FMO1: variants seen among roughly 807,000 people sequenced by gnomAD.
FMO1 encodes flavin-containing monooxygenase 1.
In FMO1, 36 loss-of-function variants were observed where a neutral mutation model predicts 45.4. The ratio of observed to expected loss-of-function variants is 0.79; its 90% CI spans 0.61 to 1.05. The LOEUF (loss-of-function observed/expected upper bound fraction) is 1.05. Ranked by LOEUF, FMO1 falls within the 50% of genes least tolerant of loss-of-function variation. The pLI, the probability that FMO1 is intolerant of heterozygous loss-of-function variation, is 0.00. For missense variants in FMO1, 615 were observed against 640.3 expected, an observed-to-expected ratio of 0.96 and a Z score of 0.43; for synonymous variants, 228 against 227.2, an observed-to-expected ratio of 1.00 and a Z score of -0.03.
chr1:171,273,298 G>A (rs1381001812), intron 3 of FMO1, among the ~76,000 whole-genome samples: 1 of 152,158 alleles, frequency 6.6e-6, no homozygotes, highest in African/African-American at 2.4e-5. Context: ...TCTCTAGTCT[G>A]TCTTTATCAG....
intron 3 of FMO1, among the ~76,000 whole-genome samples, chr1:171,269,326 T>TG (rs1358916446): frequency 6.6e-6 from 1 of 152,166 alleles, no homozygotes; most frequent in Admixed American, 6.5e-5. Context: ...AGAGACTTGT[T>TG]GAATGGCTTT....
chr1:171,281,809 C>T (rs1326685643), intron 6 of FMO1, among the ~76,000 whole-genome samples, 169 bp from the exon 7 acceptor site: 2 of 152,168 alleles, frequency 1.3e-5, no homozygotes, highest in African/African-American at 4.8e-5. Flanking sequence ...TATAATCCTT[C>T]CTGAACATTC....
chr1:171,275,260 C>G, intron 3 of FMO1, 86 bp from the exon 4 acceptor site: 1 of 1,087,966 alleles, frequency 9.2e-7, no homozygotes, highest in South Asian at 1.5e-5. Context: ...TGTTCTAGAA[C>G]TTTTAAAATA....
chr1:171,273,950 C>T (rs763562753), intron 3 of FMO1, among the ~76,000 whole-genome samples: 1 of 152,080 alleles, frequency 6.6e-6, no homozygotes, highest in Non-Finnish European at 1.5e-5. Flanking sequence ...TGGATCAAGA[C>T]CATCCTGGCT....
chr1:171,264,113 T>C (rs1387713759), intron 2 of FMO1, among the ~76,000 whole-genome samples: 1 of 152,118 alleles, frequency 6.6e-6, no homozygotes, highest in African/African-American at 2.4e-5. Context: ...CAGGCTTCAG[T>C]GTTTCCTGGA....
At chr1:171,277,629 C>T (rs1183763179) in intron 4 of FMO1, among the ~76,000 whole-genome samples, 1 of 152,134 alleles carries the variant, frequency 6.6e-6, no homozygotes, top group African/African-American at 2.4e-5. Context: ...TCTAAAACAA[C>T]ATGAGATCCA....
At chr1:171,248,747 C>A (rs1659742302) in intron 1 of FMO1, 124 bp downstream of exon 1, 1 of 151,946 alleles carries the variant, frequency 6.6e-6, no homozygotes, top group African/African-American at 2.4e-5. Context: ...CTCTGTCCAA[C>A]CCTGGAGGAG....
Position 171,285,295 on chromosome 1 carries a change from C to T in FMO1, c.1350C>T (p.Phe450=). The change falls in exon 9 of 9, where the codon TTC becomes TTT. Residue 450 remains phenylalanine, a synonymous_variant. Coordinates refer to ENST00000617670, the MANE Select transcript of FMO1 (RefSeq NM_001282693.2). ...ATATCAATGCAAAACCCAACCTGTTCTCTATGCTCCTAACGGATCCACATC... is the reference window on the plus strand; with the variant it reads ...ATATCAATGCAAAACCCAACCTGTTTTCTATGCTCCTAACGGATCCACATC... ...LTYINAKPNL[F]SMLLTDPHLA... 6.2e-7 allele frequency: 1 copy of T among 1,613,922 alleles called. No individual in the cohort carries two copies. Among genetic ancestry groups the T allele is most frequent in the Non-Finnish European group, 8.5e-7 (1 of 1,179,872 alleles).
At chr1:171,273,837 T>A (rs1254023071) in intron 3 of FMO1, among the ~76,000 whole-genome samples, 1 of 152,164 alleles carries the variant, frequency 6.6e-6, no homozygotes, top group South Asian at 2.1e-4. Flanking sequence ...TTTAGAACAA[T>A]TTTTAAAAAG....
chr1:171,273,081 A>G (rs377282173), intron 3 of FMO1, among the ~76,000 whole-genome samples: 3 of 152,314 alleles, frequency 2.0e-5, no homozygotes, highest in South Asian at 4.2e-4. Context: ...GGTCTTTCCC[A>G]TGCTGTTCTA....
chr1:171,277,317 A>C (rs1661149745), intron 4 of FMO1, among the ~76,000 whole-genome samples: 1 of 152,214 alleles, frequency 6.6e-6, no homozygotes, highest in African/African-American at 2.4e-5. Flanking sequence ...AAGGTGCACT[A>C]AAAAGTCGTA....
chr1:171,282,683 T>A, intron 7 of FMO1: 1 of 230,372 alleles, frequency 4.3e-6, no homozygotes, highest in South Asian at 9.3e-5. Context: ...ATAGGCATGA[T>A]CATAGATTAC....
chr1:171,282,056 C>A lies in FMO1; in HGVS notation c.906C>A (p.Ser302Arg), dbSNP rs1338302084. Residue 302 changes from serine to arginine, a missense_variant, in exon 7 of 9, where the codon AGC becomes AGA. Coordinates refer to ENST00000617670, the MANE Select transcript of FMO1 (RefSeq NM_001282693.2). ...IITGKVFIRP[S>R]IKEVKENSVI... is the part of the protein sequence containing the mutation. The stretch of plus-strand genomic sequence containing the variant: ...CTGGGAAAGTGTTCATCAGGCCAAG[C>A]ATAAAAGAGGTAAAGGAAAACTCTG... 2.5e-6 allele frequency: 4 copies of A among 1,613,558 alleles called. No homozygotes were observed. The highest frequency in any genetic ancestry group is 3.4e-6 in the Non-Finnish European group (4 of 1,179,816).
chr1:171,257,816 C>T, intron 1 of FMO1: 1 of 435,974 alleles, frequency 2.3e-6, no homozygotes, highest in East Asian at 4.8e-5. Flanking sequence ...GGTCCAATTC[C>T]AGCAGCTCTG....
At chr1:171,256,475 C>T (rs954304797) in intron 1 of FMO1, among the ~76,000 whole-genome samples, 2 of 151,912 alleles carry the variant, frequency 1.3e-5, no homozygotes, top group African/African-American at 4.8e-5. Flanking sequence ...TCCTGTTGGG[C>T]CCAGAGAGGG....
intron 1 of FMO1, among the ~76,000 whole-genome samples, chr1:171,253,217 A>G (rs1242881700): frequency 6.6e-6 from 1 of 151,946 alleles, no homozygotes. Context: ...CATTTCCTTC[A>G]CTTTCTAAAA....
At chr1:171,265,061 T>C (rs1052259377) in intron 2 of FMO1, among the ~76,000 whole-genome samples, 18 of 152,118 alleles carry the variant, frequency 1.2e-4, no homozygotes, top group Admixed American at 2.0e-4. Flanking sequence ...AATCAAGTTT[T>C]TTTCCAATTA....
chr1:171,266,067 T>C lies in FMO1; in HGVS notation c.133-1476T>C, dbSNP rs182163176. ...ACTGTAAGATTAAATATAAATAATC[T>C]TTCAATGAAAGAAAATGATTCCAGA... is the stretch of plus-strand genomic sequence containing the variant. On this transcript the variant is annotated intron_variant, in intron 2 of 8. Transcript: ENST00000617670. 4.2e-3 allele frequency among the ~76,000 whole-genome samples: 634 copies of C among 152,334 alleles called. 6 individuals are homozygous for C. The highest frequency in any genetic ancestry group is 3.5e-3 in the Non-Finnish European group (237 of 68,028).
intron 1 of FMO1, 65 bp from the exon 2 acceptor site, chr1:171,258,017 G>A: frequency 6.3e-7 from 1 of 1,594,188 alleles, no homozygotes; most frequent in South Asian, 1.1e-5. Context: ...TTCCTGGCTT[G>A]TTAGAGCAGC....
Sources: allele counts gnomAD v4.1 joint callset (sites outside exome capture counted in the v4.1 genomes callset), GRCh38; gene constraint gnomAD v4.1.1; transcripts MANE v1.5; gene names NCBI Gene and HGNC (gene_info 2026-07-23, HGNC 2026-07-21).